SAMD5: variants seen among roughly 807,000 people sequenced by gnomAD.
SAMD5 encodes sterile alpha motif domain-containing protein 5.
In SAMD5, 13 loss-of-function variants were observed where a neutral mutation model predicts 11.3. The observed-to-expected ratio is 1.15, with a 90% CI of 0.75 to 1.83. SAMD5 has a LOEUF of 1.83. Ranked by LOEUF, SAMD5 falls within the 40% of genes most tolerant of loss-of-function variation. SAMD5 has a pLI of 0.00. For synonymous variants in SAMD5, 129 were observed against 111.3 expected (o/e 1.16, Z -1.00); for missense variants, 255 against 239.1 (o/e 1.07, Z -0.44).
At chr6:147,827,506 C>T in the SAMD5 span, among the ~76,000 whole-genome samples, 1 of 152,298 alleles carries the variant, frequency 6.6e-6, no homozygotes, top group African/African-American at 2.4e-5. Flanking sequence ...GTCAGACAAT[C>T]TTGGTCTTCC....
At chr6:147,689,181 T>C (rs1418745326) in intron 1 of SAMD5, among the ~76,000 whole-genome samples, 1 of 152,174 alleles carries the variant, frequency 6.6e-6, no homozygotes, top group Admixed American at 6.5e-5. Flanking sequence ...CAAAATCCAT[T>C]CATGGGCCAG....
chr6:147,872,267 G>A, the SAMD5 span, among the ~76,000 whole-genome samples: 31 of 151,852 alleles, frequency 2.0e-4, 1 homozygote, highest in East Asian at 6.0e-3. Context: ...CACCATGCCT[G>A]GCTGTTTTTT....
At chr6:147,909,610 T>TTC in the SAMD5 span, among the ~76,000 whole-genome samples, 18 of 59,750 alleles carry the variant, frequency 3.0e-4, no homozygotes, top group African/African-American at 1.1e-3. Flanking sequence ...CTTTCTTTCT[T>TTC]TCTTTCTTTC....
At position 147,564,497 on chromosome 6, in the gene SAMD5, T is replaced by C. The variant is rs1311063990; in HGVS notation, c.*41T>C. The C allele has an allele frequency of 1.2e-6, 1 of 820,156 alleles. No individual in the cohort carries two copies. The highest frequency in any genetic ancestry group is 2.2e-6 in the Non-Finnish European group (1 of 455,628). 50.8% of individuals were successfully genotyped at this position (820,156 alleles called of 1,614,324 possible). On this transcript the variant is annotated 3_prime_UTR_variant, in exon 2 of 2. Transcript: ENST00000367474. ...CCTCGTGGAGGACTGATGAGGTGCC[T>C]GAAGACTGGAAAAGGGCATATTTAG...
At chr6:147,543,300 T>C (rs558807947) in intron 1 of SAMD5, among the ~76,000 whole-genome samples, 1 of 152,346 alleles carries the variant, frequency 6.6e-6, no homozygotes, top group South Asian at 2.1e-4. Flanking sequence ...AGAAACAACT[T>C]TGCAATTTAA....
At chr6:147,681,457 ATATAGT>A (rs1187889510) in intron 1 of SAMD5, among the ~76,000 whole-genome samples, 9 of 152,234 alleles carry the variant, frequency 5.9e-5, no homozygotes, top group East Asian at 5.8e-4. Flanking sequence ...TTTATATCAA[ATATAGT>A]TATAGTAACT....
intron 1 of SAMD5, among the ~76,000 whole-genome samples, chr6:147,611,871 T>C (rs749590348): frequency 1.3e-5 from 2 of 152,114 alleles, no homozygotes; most frequent in Non-Finnish European, 2.9e-5. Context: ...GATGAAAGTG[T>C]AATCTGGGAA....
chr6:147,583,376 T>C (rs1312404044), intron 1 of SAMD5, among the ~76,000 whole-genome samples: 1 of 152,258 alleles, frequency 6.6e-6, no homozygotes, highest in Non-Finnish European at 1.5e-5. Flanking sequence ...ATGTAATTGC[T>C]AGGCCTTTGA....
intron 1 of SAMD5, among the ~76,000 whole-genome samples, chr6:147,707,912 A>T (rs1791346471): frequency 1.3e-5 from 2 of 152,074 alleles, no homozygotes; most frequent in African/African-American, 4.8e-5. Context: ...GTTAGGGAGC[A>T]ATTTAGGGTG....
At chr6:147,934,003 T>A in the SAMD5 span, among the ~76,000 whole-genome samples, 1 of 152,220 alleles carries the variant, frequency 6.6e-6, no homozygotes, top group Non-Finnish European at 1.5e-5. Context: ...GGGCACGTCC[T>A]AATATAAGCC....
chr6:147,781,770 GCGCACA>G, the SAMD5 span, among the ~76,000 whole-genome samples: 11 of 70,048 alleles, frequency 1.6e-4, no homozygotes, highest in East Asian at 2.3e-3. Context: ...TAATTTGTGT[GCGCACA>G]CACACACACA....
chr6:147,808,718 T>G, the SAMD5 span, among the ~76,000 whole-genome samples: 1 of 152,222 alleles, frequency 6.6e-6, no homozygotes, highest in East Asian at 1.9e-4. Flanking sequence ...ATTGAATGTA[T>G]AATATATTGA....
At chr6:147,664,223 C>T (rs1790685636) in intron 1 of SAMD5, among the ~76,000 whole-genome samples, 1 of 152,044 alleles carries the variant, frequency 6.6e-6, no homozygotes. Context: ...AAGATTCTGC[C>T]CCTCCCCCAT....
the SAMD5 span, among the ~76,000 whole-genome samples, chr6:147,841,543 T>G: frequency 1.3e-5 from 2 of 152,188 alleles, no homozygotes; most frequent in Non-Finnish European, 2.9e-5. Context: ...GGATATTTAT[T>G]AAACAAAGAA....
intron 1 of SAMD5, among the ~76,000 whole-genome samples, chr6:147,717,122 GTC>G (rs1373751476): frequency 3.3e-5 from 5 of 152,318 alleles, no homozygotes; most frequent in South Asian, 2.1e-4. Context: ...CTTGCTAAAT[GTC>G]TCTGTCTCAC....
At chr6:147,547,759 A>G (rs2128442763) in intron 1 of SAMD5, among the ~76,000 whole-genome samples, 1 of 152,196 alleles carries the variant, frequency 6.6e-6, no homozygotes, top group East Asian at 1.9e-4. Flanking sequence ...TTACACAAGA[A>G]GAGGAATCAC....
chr6:147,742,712 G>C, the SAMD5 span, among the ~76,000 whole-genome samples: 81,082 of 151,964 alleles, frequency 0.53, 22,356 homozygotes, highest in Middle Eastern at 0.65. Flanking sequence ...ATGTAACAGA[G>C]GCTTCCCGAA....
intron 1 of SAMD5, among the ~76,000 whole-genome samples, chr6:147,513,719 G>A (rs1156386387): frequency 2.0e-5 from 3 of 152,096 alleles, no homozygotes; most frequent in South Asian, 2.1e-4. Flanking sequence ...TCAATAGTGT[G>A]GAGAGATTGA....
At chr6:147,598,750 T>C (rs1789572827) in intron 1 of SAMD5, among the ~76,000 whole-genome samples, 1 of 152,206 alleles carries the variant, frequency 6.6e-6, no homozygotes, top group South Asian at 2.1e-4. Flanking sequence ...CATTCATCAA[T>C]CTGCACCTAC....
Sources: allele counts gnomAD v4.1 joint callset (sites outside exome capture counted in the v4.1 genomes callset), GRCh38; gene constraint gnomAD v4.1.1; transcripts MANE v1.5; gene names NCBI Gene and HGNC (gene_info 2026-07-23, HGNC 2026-07-21).